SEC63: variants seen among roughly 807,000 people sequenced by gnomAD.
The protein encoded by SEC63 is translocation protein SEC63 homolog.
Under a neutral mutation model 116.2 loss-of-function variants are expected in SEC63, and 56 were observed. The ratio of observed to expected loss-of-function variants is 0.48; its 90% confidence interval spans 0.39 to 0.60. SEC63 has a LOEUF of 0.60. SEC63 is among the 20% of genes least tolerant of loss of function. The pLI is 0.00. For missense variants in SEC63, 668 were observed against 900.0 expected (o/e 0.74, Z 3.30); for synonymous variants, 273 against 294.6 (o/e 0.93, Z 0.75).
chr6:107,910,966 C>T (rs1031402819), intron 7 of SEC63, among the ~76,000 whole-genome samples: 3 of 152,118 alleles, frequency 2.0e-5, no homozygotes, highest in African/African-American at 7.2e-5. Context: ...CCACCTCAGC[C>T]TCCCAATGTG....
chr6:107,940,425 T>C (rs1770351318), intron 1 of SEC63, among the ~76,000 whole-genome samples: 4 of 152,158 alleles, frequency 2.6e-5, no homozygotes, highest in Admixed American at 2.6e-4. Context: ...CTTTTCAACA[T>C]CAGCACTACT....
intron 2 of SEC63, among the ~76,000 whole-genome samples, chr6:107,927,186 C>T (rs2010647): frequency 0.77 from 117,313 of 151,968 alleles, 46,530 homozygotes; most frequent in South Asian, 0.9. Context: ...CCTCAGCCTC[C>T]GGAGTAGCTG....
Position 107,897,597 on chromosome 6 carries a change from A to G in SEC63, c.1440+52T>C, listed in dbSNP as rs118016817. On this transcript the variant is annotated intron_variant, in intron 14 of 20. Coordinates refer to ENST00000369002, the MANE Select transcript of SEC63 (RefSeq NM_007214.5). The stretch of plus-strand genomic sequence containing the variant: ...TTTGACAATGAGGGAAATAAATATA[A>G]AAGCCTTGACACACAACTCTTAAAG... 7.7e-3 allele frequency: 9,478 copies of G among 1,234,380 alleles called. 60 individuals carry two copies. Among genetic ancestry groups the G allele is most frequent in the Non-Finnish European group, 0.011 (8,829 of 836,674 alleles). The allele number at this position is 1,234,380 out of a possible 1,614,324, so 76.5% of individuals were successfully genotyped here.
intron 1 of SEC63, among the ~76,000 whole-genome samples, chr6:107,947,518 A>G (rs1313944036): frequency 6.6e-6 from 1 of 152,014 alleles, no homozygotes; most frequent in Non-Finnish European, 1.5e-5. Flanking sequence ...GTTGCAGTGG[A>G]GCAGTGATGG....
intron 1 of SEC63, among the ~76,000 whole-genome samples, chr6:107,933,755 C>T (rs1377559395): frequency 8.6e-5 from 13 of 151,470 alleles, no homozygotes; most frequent in African/African-American, 3.2e-4. Flanking sequence ...TTTCCACGGT[C>T]TCCCTCTGAT....
At chr6:107,940,113 C>G (rs983110062) in intron 1 of SEC63, among the ~76,000 whole-genome samples, 7 of 152,202 alleles carry the variant, frequency 4.6e-5, no homozygotes, top group African/African-American at 1.7e-4. Context: ...CTACTTACAC[C>G]TATCCACTAC....
At chr6:107,930,132 T>C (rs1170213597) in intron 1 of SEC63, 2 of 149,316 alleles carry the variant, frequency 1.3e-5, no homozygotes. Flanking sequence ...AAGATTAGCA[T>C]GGCCCTCACC....
intron 19 of SEC63, among the ~76,000 whole-genome samples, chr6:107,876,248 A>T (rs1417338104): frequency 1.3e-5 from 2 of 152,190 alleles, no homozygotes; most frequent in Non-Finnish European, 2.9e-5. Context: ...CACTAATCCA[A>T]TAAGAACAAA....
intron 6 of SEC63, among the ~76,000 whole-genome samples, chr6:107,911,752 A>G (rs1787289313): frequency 6.6e-6 from 1 of 152,228 alleles, no homozygotes; most frequent in Non-Finnish European, 1.5e-5. Flanking sequence ...TAACACCAGC[A>G]AAACAGTTTT....
intron 1 of SEC63, among the ~76,000 whole-genome samples, chr6:107,935,232 C>T (rs1241193995): frequency 2.5e-4 from 38 of 151,778 alleles, no homozygotes; most frequent in Admixed American, 2.5e-3. Context: ...TCTGCCCGGC[C>T]GCCCCTACTG....
At position 107,906,491 on chromosome 6, in the gene SEC63, C is replaced by T. The variant is rs1787151357; in HGVS notation, c.918G>A (p.Leu306=). 6.2e-7 allele frequency: 1 copy of T among 1,613,922 alleles called. No individual in the cohort carries two copies. Among genetic ancestry groups the T allele is most frequent in the African/African-American group, 1.3e-5 (1 of 74,906 alleles). ...GAATTTTCATTCTAGCAAGATGAGACAGTAAAAGAACTCTGGCCTTCAGGC... is the reference window on the plus strand; with the variant it reads ...GAATTTTCATTCTAGCAAGATGAGATAGTAAAAGAACTCTGGCCTTCAGGC... ...PYSLKARVLL[L]SHLARMKIPE... Residue 306 remains leucine, a synonymous_variant, in exon 10 of 21, where the codon CTG becomes CTA. Coordinates refer to ENST00000369002, the MANE Select transcript of SEC63 (RefSeq NM_007214.5).
At chr6:107,919,028 A>G (rs1302791830) in intron 4 of SEC63, among the ~76,000 whole-genome samples, 1 of 149,132 alleles carries the variant, frequency 6.7e-6, no homozygotes, top group African/African-American at 2.5e-5. Context: ...CTCCTGCCTC[A>G]GCCTCTCAAG....
At chr6:107,937,521 C>T (rs1480466734) in intron 1 of SEC63, among the ~76,000 whole-genome samples, 7 of 152,088 alleles carry the variant, frequency 4.6e-5, no homozygotes, top group East Asian at 3.9e-4. Context: ...CATGGGTGCA[C>T]GTCTTTTTGG....
chr6:107,878,386 A>G (rs552342207), intron 18 of SEC63, among the ~76,000 whole-genome samples: 54 of 152,362 alleles, frequency 3.5e-4, no homozygotes, highest in Non-Finnish European at 6.3e-4. Flanking sequence ...ATGAGGTACA[A>G]TATCACCTCT....
intron 7 of SEC63, among the ~76,000 whole-genome samples, chr6:107,909,705 T>C (rs1313764415): frequency 6.6e-6 from 1 of 152,176 alleles, no homozygotes; most frequent in African/African-American, 2.4e-5. Context: ...CAATAAATAC[T>C]TGATAAACAA....
chr6:107,919,939 G>T lies in SEC63; in HGVS notation c.452+1858C>A, dbSNP rs568946630. Among the ~76,000 whole-genome samples the T allele has an allele frequency of 4.6e-5, 7 of 152,140 alleles. No homozygotes were observed. In the East Asian group the frequency reaches 1.4e-3, roughly 29 times the overall value. The stretch of plus-strand genomic sequence containing the variant: ...TTTAAATGATGTAGTCAATTTAATT[G>T]TCGTCTTATTTTAAGAAATTGTCAC... On this transcript the variant is annotated intron_variant, in intron 4 of 20. Transcript: ENST00000369002.
intron 1 of SEC63, among the ~76,000 whole-genome samples, chr6:107,955,676 A>T (rs2114527031): frequency 6.6e-6 from 1 of 152,026 alleles, no homozygotes; most frequent in African/African-American, 2.4e-5. Context: ...ACTTGGTGTC[A>T]GGAGTTGGAG....
At chr6:107,910,694 CAT>C (rs1377161738) in intron 7 of SEC63, among the ~76,000 whole-genome samples, 1 of 151,972 alleles carries the variant, frequency 6.6e-6, no homozygotes, top group African/African-American at 2.4e-5. Context: ...ATACATATGT[CAT>C]ACATATATAC....
At chr6:107,909,642 A>T (rs1465881114) in intron 7 of SEC63, among the ~76,000 whole-genome samples, 1 of 152,188 alleles carries the variant, frequency 6.6e-6, no homozygotes, top group Non-Finnish European at 1.5e-5. Context: ...AAAAGGGATA[A>T]AACTACCCAC....
Sources: gnomAD v4.1 joint callset for allele counts (sites outside exome capture counted in the v4.1 genomes callset) on GRCh38, gnomAD v4.1.1 for gene constraint, MANE v1.5 for transcripts, NCBI Gene and HGNC (gene_info 2026-07-23, HGNC 2026-07-21) for gene names.